The following PRRX2 variants were observed in gnomAD, a reference collection of about 807,000 sequenced individuals.
PRRX2 encodes the protein paired related homeobox 2.
A neutral mutation model predicts 18.0 loss-of-function variants in PRRX2; 11 were observed. The ratio of observed to expected loss-of-function variants is 0.61; its 90% CI spans 0.39 to 1.01. The LOEUF (loss-of-function observed/expected upper bound fraction) is 1.01, where lower values mean the gene tolerates loss of function less well. Ranked by LOEUF, PRRX2 falls within the 50% of genes least tolerant of loss-of-function variation. The pLI is 0.01. For synonymous variants in PRRX2, 177 were observed against 154.8 expected, an observed-to-expected ratio of 1.14 and a Z score of -1.06; for missense variants, 387 against 351.0, an observed-to-expected ratio of 1.10 and a Z score of -0.82.
chr9:129,716,183 GGAAT>G (rs1832704859), intron 1 of PRRX2, among the ~76,000 whole-genome samples: 1 of 152,164 alleles, frequency 6.6e-6, no homozygotes, highest in Admixed American at 6.5e-5. Flanking sequence ...TCCACTTCTA[GGAAT>G]CTGTCCTAAA....
intron 1 of PRRX2, among the ~76,000 whole-genome samples, chr9:129,677,165 T>C (rs2119057147): frequency 6.6e-6 from 1 of 152,344 alleles, no homozygotes; most frequent in East Asian, 1.9e-4. Context: ...CCAAAGGGCA[T>C]AATCTCAGCA....
intron 1 of PRRX2, among the ~76,000 whole-genome samples, chr9:129,681,393 A>C (rs886472458): frequency 1.3e-5 from 2 of 152,090 alleles, no homozygotes; most frequent in Non-Finnish European, 2.9e-5. Context: ...GGTGGTGTGC[A>C]CCTGTACTCC....
chr9:129,710,150 G>T (rs1832601584), intron 1 of PRRX2, among the ~76,000 whole-genome samples: 1 of 152,174 alleles, frequency 6.6e-6, no homozygotes, highest in African/African-American at 2.4e-5. Flanking sequence ...AGCAAGAGAG[G>T]GAGGAGACGT....
chr9:129,688,266 G>C (rs1285729424), intron 1 of PRRX2, among the ~76,000 whole-genome samples: 1 of 151,960 alleles, frequency 6.6e-6, no homozygotes. Flanking sequence ...GTCTCACTCT[G>C]TTGCCCAAGC....
chr9:129,706,690 T>C (rs1332317982), intron 1 of PRRX2, among the ~76,000 whole-genome samples: 2 of 152,174 alleles, frequency 1.3e-5, no homozygotes, highest in African/African-American at 2.4e-5. Context: ...ATCGCAAAAC[T>C]GCACTCTAGC....
intron 1 of PRRX2, chr9:129,718,655 C>G (rs1832745697): frequency 6.6e-6 from 1 of 152,338 alleles, no homozygotes; most frequent in African/African-American, 2.4e-5. Context: ...GCCTCTCTGA[C>G]TCTTCCTCCT....
Position 129,722,237 on chromosome 9 carries a change from C to T in PRRX2, c.647C>T (p.Pro216Leu). Residue 216 changes from proline (P) to leucine (L), a missense_variant, in exon 4 of 4, where the codon CCT (proline) becomes CTT (leucine). Pro to Leu is a moderately conservative substitution (Grantham distance 98). Transcript: ENST00000372469. ...SPYSTVPPYS[P>L]GSSGPATPGV... is the part of the protein sequence containing the mutation. ...CCCAGCACAGTGCCACCCTACAGCC[C>T]TGGGAGCTCAGGCCCCGCAACCCCA... 1.2e-6 allele frequency: 2 copies of T among 1,613,942 alleles called. No homozygotes were observed. The highest frequency in any genetic ancestry group is 1.7e-6 in the Non-Finnish European group (2 of 1,179,958).
intron 1 of PRRX2, among the ~76,000 whole-genome samples, chr9:129,699,348 C>G (rs1420646112): frequency 6.6e-6 from 1 of 152,074 alleles, no homozygotes; most frequent in Non-Finnish European, 1.5e-5. Context: ...CACTTAAACC[C>G]AGGAGGTGGA....
chr9:129,687,203 C>T (rs1832308680), intron 1 of PRRX2, among the ~76,000 whole-genome samples: 1 of 152,070 alleles, frequency 6.6e-6, no homozygotes, highest in Non-Finnish European at 1.5e-5. Flanking sequence ...GCTTAGGCCA[C>T]AGAATGAGAT....
At chr9:129,700,050 A>T (rs997728374) in intron 1 of PRRX2, among the ~76,000 whole-genome samples, 1 of 152,204 alleles carries the variant, frequency 6.6e-6, no homozygotes, top group Non-Finnish European at 1.5e-5. Context: ...ACACGCACCT[A>T]ACTCCAGATA....
intron 1 of PRRX2, among the ~76,000 whole-genome samples, chr9:129,698,320 G>T (rs770540577): frequency 6.7e-6 from 1 of 149,178 alleles, no homozygotes; most frequent in Non-Finnish European, 1.5e-5. Context: ...AAAAGGAAGC[G>T]TAAGACCAGG....
intron 1 of PRRX2, among the ~76,000 whole-genome samples, chr9:129,684,526 A>C (rs1400693380): frequency 8.6e-6 from 1 of 116,670 alleles, no homozygotes; most frequent in East Asian, 2.2e-4. Flanking sequence ...ACACACACCC[A>C]CACACACCCC....
In PRRX2 at chr9:129,719,357, C is replaced by T. The variant is rs1231172100; in HGVS notation, c.386C>T (p.Pro129Leu). The change falls in exon 2 of 4, where the codon CCC becomes CTC. Residue 129 changes from proline to leucine, a missense_variant. Coordinates refer to ENST00000372469, the MANE Select transcript of PRRX2 (RefSeq NM_016307.4). ...LERVFERTHYPDAFVREELAR... is the reference protein window; with the variant it reads ...LERVFERTHYLDAFVREELAR... ...CGCGTGTTCGAGCGCACGCACTACC[C>T]CGACGCCTTTGTGCGCGAGGAGCTT... 4 of 1,580,840 alleles carry T rather than the reference C, an allele frequency of 2.5e-6. No homozygotes were observed. Among genetic ancestry groups the T allele is most frequent in the Non-Finnish European group, 3.4e-6 (4 of 1,164,400 alleles).
At chr9:129,703,598 C>T (rs931559448) in intron 1 of PRRX2, among the ~76,000 whole-genome samples, 2 of 152,106 alleles carry the variant, frequency 1.3e-5, no homozygotes, top group African/African-American at 4.8e-5. Flanking sequence ...AATAACAGTA[C>T]CCTCTGCATT....
At chr9:129,702,629 G>A (rs1299045983) in intron 1 of PRRX2, among the ~76,000 whole-genome samples, 1 of 152,228 alleles carries the variant, frequency 6.6e-6, no homozygotes, top group Non-Finnish European at 1.5e-5. Flanking sequence ...GAGCTAGAGT[G>A]TGGACTGGTG....
In PRRX2 at chr9:129,671,397, T is replaced by G. The variant is rs943294285; in HGVS notation, c.259+5271T>G. ...TCTTGCTCCTCTGTCCAGTAGATCA[T>G]CTGGGTGGAGCTTGGGGGCCTGGCA... On this transcript the variant is annotated intron_variant, in intron 1 of 3. Transcript: ENST00000372469. This position sits in a 1 kb window ranked among gnomAD's most constrained non-coding sequence, Gnocchi z 4.0. Among the ~76,000 whole-genome samples, 9 of 152,328 alleles carry G rather than the reference T, an allele frequency of 5.9e-5. No individual in the cohort carries two copies. Among genetic ancestry groups the G allele is most frequent in the African/African-American group, 2.2e-4 (9 of 41,574 alleles).
chr9:129,714,713 C>T (rs901414199), intron 1 of PRRX2, among the ~76,000 whole-genome samples: 4 of 152,226 alleles, frequency 2.6e-5, no homozygotes, highest in Admixed American at 6.5e-5. Flanking sequence ...GGAGCTGTTT[C>T]TTCGGGCGCT....
Position 129,715,548 on chromosome 9 carries a change from G to A in PRRX2, c.260-3683G>A, listed in dbSNP as rs1303339166. ...CGAGGCTGCAGTGTGTTACGATTGC[G>A]CCACTGCACTCCAGCTTGGGCAACA... On this transcript the variant is annotated intron_variant, in intron 1 of 3. Transcript: ENST00000372469. The surrounding 1 kb of genome is among the most constrained non-coding windows in gnomAD (Gnocchi z 4.0). 2.0e-5 allele frequency among the ~76,000 whole-genome samples: 3 copies of A among 152,046 alleles called. No individual in the cohort carries two copies. The highest frequency in any genetic ancestry group is 2.1e-4 in the South Asian group (1 of 4,818).
chr9:129,684,211 G>A (rs1832267980), intron 1 of PRRX2, among the ~76,000 whole-genome samples: 1 of 152,136 alleles, frequency 6.6e-6, no homozygotes, highest in South Asian at 2.1e-4. Flanking sequence ...CATTATATCA[G>A]TCAAGGCTGT....
Sources: allele counts gnomAD v4.1 joint callset (sites outside exome capture counted in the v4.1 genomes callset), GRCh38; gene constraint gnomAD v4.1.1; non-coding constraint Gnocchi (gnomAD v3.1); transcripts MANE v1.5; gene names NCBI Gene and HGNC (gene_info 2026-07-23, HGNC 2026-07-21).